Variants in MAF observed in about 807,000 individuals in gnomAD.
MAF encodes the protein transcription factor Maf.
Under a neutral mutation model 22.0 loss-of-function variants are expected in MAF, and 10 were observed. That is an observed-to-expected ratio of 0.45 (90% confidence interval 0.28 to 0.77). MAF has a LOEUF of 0.77. MAF is among the 30% of genes least tolerant of loss of function. The probability of loss-of-function intolerance (pLI) is 0.12; values close to 1 mark genes in which losing one functional copy is unlikely to be tolerated. For missense variants in MAF, 544 were observed against 548.4 expected (o/e 0.99, Z 0.08); for synonymous variants, 337 against 255.8 (o/e 1.32, Z -3.03).
the MAF span, among the ~76,000 whole-genome samples, chr16:79,555,518 A>G: frequency 8.6e-5 from 13 of 151,868 alleles, no homozygotes; most frequent in Admixed American, 6.5e-4. Context: ...TAAGCTACCA[A>G]TGTAAAATTA....
the MAF span, among the ~76,000 whole-genome samples, chr16:79,428,420 A>C: frequency 0.029 from 4,382 of 152,296 alleles, 128 homozygotes; most frequent in East Asian, 0.14. Flanking sequence ...ACAATGTTGC[A>C]CGGGACGTGG....
the MAF span, among the ~76,000 whole-genome samples, chr16:79,406,367 G>C: frequency 3.9e-5 from 6 of 152,158 alleles, no homozygotes; most frequent in African/African-American, 1.4e-4. Context: ...AGACTGAGTG[G>C]CTTATATCAA....
At chr16:79,533,964 A>T in the MAF span, among the ~76,000 whole-genome samples, 2 of 152,232 alleles carry the variant, frequency 1.3e-5, no homozygotes, top group Non-Finnish European at 2.9e-5. Flanking sequence ...TGGGAAATTC[A>T]TGCCCTCCTG....
the MAF span, among the ~76,000 whole-genome samples, chr16:79,564,659 T>C: frequency 6.6e-6 from 1 of 152,212 alleles, no homozygotes; most frequent in Non-Finnish European, 1.5e-5. Flanking sequence ...ACCCATCTTC[T>C]TTGTTAATGA....
At chr16:79,528,837 A>G in the MAF span, among the ~76,000 whole-genome samples, 1 of 152,216 alleles carries the variant, frequency 6.6e-6, no homozygotes, top group Admixed American at 6.5e-5. Flanking sequence ...AGAGATTCTC[A>G]GAAATGTGGA....
At chr16:79,533,432 T>C in the MAF span, among the ~76,000 whole-genome samples, 5 of 152,176 alleles carry the variant, frequency 3.3e-5, no homozygotes, top group Non-Finnish European at 7.3e-5. Flanking sequence ...TACAGCTTGC[T>C]GCTCTAAACC....
chr16:79,343,221 G>A, the MAF span, among the ~76,000 whole-genome samples: 1 of 144,012 alleles, frequency 6.9e-6, no homozygotes, highest in South Asian at 2.1e-4. Flanking sequence ...TCTGCCTGTA[G>A]GATCTAATCA....
the MAF span, among the ~76,000 whole-genome samples, chr16:79,240,620 C>A: frequency 6.6e-6 from 1 of 150,522 alleles, no homozygotes; most frequent in Non-Finnish European, 1.5e-5. Flanking sequence ...GGCGCAGCTT[C>A]AGCAGACTTA....
chr16:79,386,919 G>A, the MAF span, among the ~76,000 whole-genome samples: 4 of 152,160 alleles, frequency 2.6e-5, no homozygotes, highest in African/African-American at 9.7e-5. Flanking sequence ...GTTCTTTGAA[G>A]TCTTACATTA....
the MAF span, among the ~76,000 whole-genome samples, chr16:79,458,250 G>T: frequency 1.7e-4 from 26 of 151,862 alleles, no homozygotes; most frequent in Non-Finnish European, 3.1e-4. Flanking sequence ...ATATTAGAGA[G>T]CCTGGGACAC....
the MAF span, among the ~76,000 whole-genome samples, chr16:79,362,894 C>T: frequency 6.6e-6 from 1 of 152,148 alleles, no homozygotes; most frequent in Non-Finnish European, 1.5e-5. Context: ...AGCAAAATGC[C>T]TGTTATATAC....
chr16:79,477,054 A>G, the MAF span, among the ~76,000 whole-genome samples: 1 of 152,290 alleles, frequency 6.6e-6, no homozygotes, highest in Non-Finnish European at 1.5e-5. Context: ...GACAAGGCCA[A>G]TAGAAGTCCC....
At chr16:79,251,993 G>T in the MAF span, among the ~76,000 whole-genome samples, 452 of 152,366 alleles carry the variant, frequency 3.0e-3, 7 homozygotes, top group Admixed American at 0.023. Flanking sequence ...AGTTATTCTG[G>T]TGTAAGGGAG....
the MAF span, among the ~76,000 whole-genome samples, chr16:79,243,289 ATT>A: frequency 6.6e-6 from 1 of 151,806 alleles, no homozygotes; most frequent in Non-Finnish European, 1.5e-5. Context: ...TTATTTTTTT[ATT>A]TTTGTTTTTT....
chr16:79,356,494 G>A, the MAF span, among the ~76,000 whole-genome samples: 1 of 152,060 alleles, frequency 6.6e-6, no homozygotes, highest in Admixed American at 6.6e-5. Flanking sequence ...TTCCTCACGT[G>A]CCTTCCATCT....
chr16:79,371,736 C>T, the MAF span, among the ~76,000 whole-genome samples: 1 of 152,326 alleles, frequency 6.6e-6, no homozygotes, highest in Non-Finnish European at 1.5e-5. Context: ...CAGCATGTTA[C>T]CCAGGAAACC....
chr16:79,349,013 T>G, the MAF span, among the ~76,000 whole-genome samples: 7 of 152,170 alleles, frequency 4.6e-5, no homozygotes, highest in African/African-American at 1.7e-4. Context: ...CCATTGCTCT[T>G]CCCCCAGATG....
chr16:79,527,247 G>T, the MAF span, among the ~76,000 whole-genome samples: 1 of 152,114 alleles, frequency 6.6e-6, no homozygotes, highest in Non-Finnish European at 1.5e-5. Flanking sequence ...AGTGCTGCCT[G>T]TTTTCTTTGA....
chr16:79,212,008 G>A, the MAF span: 5 of 1,536,142 alleles, frequency 3.3e-6, no homozygotes, highest in African/African-American at 6.8e-5. Flanking sequence ...GCTGGGCTAG[G>A]CATAGGTCTC....
Sources: allele counts gnomAD v4.1 joint callset (sites outside exome capture counted in the v4.1 genomes callset), GRCh38; gene constraint gnomAD v4.1.1; transcripts MANE v1.5; gene names NCBI Gene and HGNC (gene_info 2026-07-23, HGNC 2026-07-21).